Variants in CYRIB observed in about 807,000 individuals in gnomAD.
The protein encoded by CYRIB is CYFIP-related Rac1 interactor B.
Under a neutral mutation model 44.2 loss-of-function variants are expected in CYRIB, and 8 were observed. That is an observed-to-expected ratio of 0.18 (90% CI 0.11 to 0.33). The LOEUF (loss-of-function observed/expected upper bound fraction) is 0.33. CYRIB is among the 10% of genes least tolerant of loss of function. The pLI, the probability that CYRIB is intolerant of heterozygous loss-of-function variation, is 1.00. For missense variants in CYRIB, 185 were observed against 382.8 expected (o/e 0.48, Z 4.31); for synonymous variants, 131 against 127.2 (o/e 1.03, Z -0.20).
chr8:129,947,871 A>C (rs1437173277), intron 2 of CYRIB: 4 of 152,218 alleles, frequency 2.6e-5, no homozygotes, highest in Admixed American at 2.6e-4. Flanking sequence ...TCGCTGTTAA[A>C]GGCTATATAA....
exon 6 of CYRIB, chr8:129,855,718 A>G (rs1248974241): frequency 1.2e-6 from 2 of 1,613,866 alleles, no homozygotes; most frequent in South Asian, 1.1e-5. Flanking sequence ...GTACTTGTTA[A>G]GGCTCCCAGA....
chr8:129,860,846 T>C (rs2132206827), intron 5 of CYRIB, among the ~76,000 whole-genome samples: 1 of 149,236 alleles, frequency 6.7e-6, no homozygotes, highest in South Asian at 2.2e-4. Flanking sequence ...GATCAATTAT[T>C]GCTAGTTGGA....
At chr8:129,931,635 C>CT (rs980260008) in intron 1 of CYRIB, among the ~76,000 whole-genome samples, 4 of 151,390 alleles carry the variant, frequency 2.6e-5, no homozygotes, top group African/African-American at 7.3e-5. Flanking sequence ...ATGCCAGGAA[C>CT]TTTTTTTTTG....
At chr8:129,857,565 C>T (rs529978461) in intron 5 of CYRIB, among the ~76,000 whole-genome samples, 1 of 152,250 alleles carries the variant, frequency 6.6e-6, no homozygotes, top group South Asian at 2.1e-4. Context: ...ATCCTAATGT[C>T]CCTAGAGAAA....
chr8:129,900,372 T>C (rs1419844502), intron 2 of CYRIB, among the ~76,000 whole-genome samples: 1 of 152,170 alleles, frequency 6.6e-6, no homozygotes, highest in Non-Finnish European at 1.5e-5. Context: ...TGATTGTTAA[T>C]GCTGTTTTTG....
At chr8:129,977,809 G>A (rs1341735977) in intron 1 of CYRIB, among the ~76,000 whole-genome samples, 1 of 152,224 alleles carries the variant, frequency 6.6e-6, no homozygotes, top group East Asian at 1.9e-4. Flanking sequence ...TGGGATTACA[G>A]GCGTGAGCCA....
At chr8:129,939,816 A>C (rs1436620705) in exon 1 of CYRIB, 1 of 152,110 alleles carries the variant, frequency 6.6e-6, no homozygotes, top group Non-Finnish European at 1.5e-5. Flanking sequence ...AGTGACCCGG[A>C]TGTACAGGGT....
At chr8:129,854,683 G>C (rs1437209375) in intron 6 of CYRIB, among the ~76,000 whole-genome samples, 1 of 152,210 alleles carries the variant, frequency 6.6e-6, no homozygotes, top group Non-Finnish European at 1.5e-5. Flanking sequence ...ATGGTCAACA[G>C]AGCAATCCTC....
upstream of CYRIB, among the ~76,000 whole-genome samples, chr8:129,940,362 C>G (rs530192573): frequency 6.6e-5 from 10 of 152,360 alleles, no homozygotes; most frequent in Middle Eastern, 3.4e-3. Context: ...CGCCCAGCGC[C>G]AGGAGACTGT....
intron 5 of CYRIB, among the ~76,000 whole-genome samples, chr8:129,859,629 T>C (rs919754733): frequency 6.6e-6 from 1 of 152,228 alleles, no homozygotes; most frequent in African/African-American, 2.4e-5. Flanking sequence ...TGCCTGGGCA[T>C]AACAGAAGGC....
chr8:129,980,847 G>C (rs1348957551), intron 1 of CYRIB, among the ~76,000 whole-genome samples: 1 of 151,772 alleles, frequency 6.6e-6, no homozygotes, highest in Non-Finnish European at 1.5e-5. Flanking sequence ...AGCTGGTCGT[G>C]GTGGTGCACA....
chr8:129,936,055 G>A (rs905205271), intron 1 of CYRIB, among the ~76,000 whole-genome samples: 1 of 152,210 alleles, frequency 6.6e-6, no homozygotes. Context: ...TTACAGGAGA[G>A]TACAGAACAA....
At chr8:129,992,037 T>A (rs72720331) in intron 1 of CYRIB, among the ~76,000 whole-genome samples, 17,487 of 145,258 alleles carry the variant, frequency 0.12, 1,078 homozygotes, top group South Asian at 0.26. Flanking sequence ...CTTTTTAGGC[T>A]GAGCATGGTG....
intron 2 of CYRIB, among the ~76,000 whole-genome samples, chr8:129,895,316 T>C (rs1317186755): frequency 6.6e-6 from 1 of 151,674 alleles, no homozygotes; most frequent in Admixed American, 6.6e-5. Context: ...CTTTAGAAAT[T>C]CTGGATACCA....
At chr8:129,965,632 T>C (rs540343239) in intron 2 of CYRIB, among the ~76,000 whole-genome samples, 1 of 151,722 alleles carries the variant, frequency 6.6e-6, no homozygotes, top group African/African-American at 2.4e-5. Flanking sequence ...CTGTCTCTAC[T>C]AAAAATACAA....
At chr8:129,894,167 T>A (rs942087888) in intron 2 of CYRIB, among the ~76,000 whole-genome samples, 24 of 152,346 alleles carry the variant, frequency 1.6e-4, no homozygotes, top group Non-Finnish European at 2.2e-4. Flanking sequence ...TAAGCTCATG[T>A]ACAAGAGTCC....
In CYRIB at chr8:130,016,360, C is replaced by T. The variant is rs1474153242; in HGVS notation, c.-296+10G>A. 1.3e-5 allele frequency: 2 copies of T among 148,654 alleles called. No homozygotes were observed. The highest frequency in any genetic ancestry group is 2.0e-4 in the East Asian group (1 of 5,058). 9.2% of individuals were successfully genotyped at this position (148,654 alleles called of 1,614,324 possible). ...CCGGGCGGCGGCGCCTTCAGAGCCC[C>T]GGCACGTACCTGGCGGCCCGGGCGG... On this transcript the variant is annotated intron_variant, in intron 1 of 14. Transcript: ENST00000401979.
chr8:129,940,428 C>T (rs542412841), upstream of CYRIB, among the ~76,000 whole-genome samples: 4 of 152,268 alleles, frequency 2.6e-5, no homozygotes, highest in Admixed American at 2.0e-4. Context: ...GAAAAATGAT[C>T]ATTCTGAGAA....
At chr8:129,870,715 T>C (rs971274778) in intron 4 of CYRIB, among the ~76,000 whole-genome samples, 2 of 152,068 alleles carry the variant, frequency 1.3e-5, no homozygotes, top group Non-Finnish European at 2.9e-5. Flanking sequence ...AGAAATGCAG[T>C]AATGAGAAGG....
Sources: allele counts gnomAD v4.1 joint callset (sites outside exome capture counted in the v4.1 genomes callset), GRCh38; gene constraint gnomAD v4.1.1; transcripts MANE v1.5; gene names NCBI Gene and HGNC (gene_info 2026-07-23, HGNC 2026-07-21).